KALRN: variants seen among roughly 807,000 people sequenced by gnomAD.
KALRN encodes the protein kalirin.
Under a neutral mutation model 353.7 loss-of-function variants are expected in KALRN, and 70 were observed. That is an observed-to-expected ratio of 0.20 (90% CI 0.16 to 0.24). The LOEUF (loss-of-function observed/expected upper bound fraction) is 0.24, where lower values mean the gene tolerates loss of function less well. Among genes scored for constraint, KALRN ranks in the 10% least tolerant of loss-of-function variants. KALRN has a pLI of 1.00. For missense variants in KALRN, 2,791 were observed against 3,756.7 expected (o/e 0.74, Z 6.72); for synonymous variants, 1,391 against 1,434.8 (o/e 0.97, Z 0.69).
rs114284605 is a variant in KALRN at position 124,634,057 on chromosome 3, G to A, written c.5568+104G>A. On this transcript the variant is annotated intron_variant, in intron 36 of 59. Coordinates refer to ENST00000682506, the MANE Select transcript of KALRN (RefSeq NM_001388419.1). The stretch of plus-strand genomic sequence containing the variant: ...CATACTCTTTCTCCCATGTTATCTC[G>A]TCGTCCACATGAATCCATGTTGATA... 2.5e-3 allele frequency: 2,075 copies of A among 832,110 alleles called. 20 individuals are homozygous for A. The highest frequency in any genetic ancestry group is 0.025 in the African/African-American group (1,453 of 58,628). The allele number at this position is 832,110 out of a possible 1,614,324, so 51.5% of individuals were successfully genotyped here.
intron 33 of KALRN, among the ~76,000 whole-genome samples, chr3:124,509,766 T>G (rs1489012344): frequency 9.2e-5 from 14 of 152,232 alleles, no homozygotes; most frequent in Admixed American, 9.2e-4. Flanking sequence ...CTTAGATGTC[T>G]GACAAACAGC....
chr3:124,145,343 C>A (rs1007966985), intron 1 of KALRN, among the ~76,000 whole-genome samples: 1 of 152,182 alleles, frequency 6.6e-6, no homozygotes, highest in Admixed American at 6.5e-5. Flanking sequence ...TTGGAATTGC[C>A]TATGGAACCT....
chr3:124,324,928 T>C (rs1199412665), intron 6 of KALRN, among the ~76,000 whole-genome samples: 1 of 152,230 alleles, frequency 6.6e-6, no homozygotes, highest in African/African-American at 2.4e-5. Context: ...CTTGCCTCCC[T>C]GGTCCTCCTT....
At chr3:124,272,835 T>C (rs560386782) in intron 5 of KALRN, among the ~76,000 whole-genome samples, 3 of 152,332 alleles carry the variant, frequency 2.0e-5, no homozygotes, top group African/African-American at 7.2e-5. Flanking sequence ...AGCCTTTGAC[T>C]TATTTGGTGG....
At chr3:124,550,973 A>T (rs185252220) in intron 33 of KALRN, among the ~76,000 whole-genome samples, 6 of 152,296 alleles carry the variant, frequency 3.9e-5, no homozygotes, top group Admixed American at 2.6e-4. Context: ...TGGGTGACAG[A>T]GCAAGACTCC....
chr3:124,680,301 T>C (rs2087645690), intron 51 of KALRN, among the ~76,000 whole-genome samples: 1 of 152,218 alleles, frequency 6.6e-6, no homozygotes, highest in African/African-American at 2.4e-5. Context: ...AGAACATCCA[T>C]TCCACTTCCA....
intron 1 of KALRN, among the ~76,000 whole-genome samples, chr3:124,064,952 G>A (rs145954247): frequency 1.3e-3 from 192 of 152,176 alleles, no homozygotes; most frequent in African/African-American, 4.5e-3. Flanking sequence ...CTTGCCCTCC[G>A]TTCCCCCTTC....
At chr3:124,398,955 G>A in intron 13 of KALRN, 84 bp downstream of exon 13, 1 of 1,411,884 alleles carries the variant, frequency 7.1e-7, no homozygotes, top group South Asian at 1.4e-5. Context: ...CAGGGCAGTA[G>A]CCTAAGGAAA....
intron 17 of KALRN, among the ~76,000 whole-genome samples, chr3:124,435,459 G>A (rs981260643): frequency 6.6e-6 from 1 of 152,184 alleles, no homozygotes; most frequent in East Asian, 1.9e-4. Context: ...AATGATTTGG[G>A]TGCTGTTAGG....
intron 28 of KALRN, among the ~76,000 whole-genome samples, chr3:124,484,247 G>A (rs530511986): frequency 1.3e-5 from 2 of 152,354 alleles, no homozygotes; most frequent in Non-Finnish European, 2.9e-5. Flanking sequence ...CACTATGAGA[G>A]GCGTGAGGGC....
At chr3:124,646,485 G>C (rs1023110560) in intron 37 of KALRN, among the ~76,000 whole-genome samples, 1 of 147,714 alleles carries the variant, frequency 6.8e-6, no homozygotes, top group Non-Finnish European at 1.5e-5. Context: ...CCACCTCCCA[G>C]GTCCAAGTGA....
At chr3:124,581,220 G>A (rs867382460) in intron 34 of KALRN, among the ~76,000 whole-genome samples, 7 of 152,150 alleles carry the variant, frequency 4.6e-5, no homozygotes, top group Middle Eastern at 3.4e-3. Context: ...TGGGTATGGT[G>A]GCTCACGCCT....
intron 1 of KALRN, among the ~76,000 whole-genome samples, chr3:124,042,531 G>A (rs1228576809): frequency 6.6e-6 from 1 of 152,006 alleles, no homozygotes; most frequent in Non-Finnish European, 1.5e-5. Context: ...AGGAGGGGAT[G>A]GATATGAGTT....
At chr3:124,109,567 T>G (rs2062641149) in intron 1 of KALRN, among the ~76,000 whole-genome samples, 2 of 151,864 alleles carry the variant, frequency 1.3e-5, no homozygotes, top group African/African-American at 4.8e-5. Context: ...TGTTTGATAA[T>G]TCCATTATCT....
chr3:124,134,668 C>A (rs2065715988), intron 1 of KALRN, among the ~76,000 whole-genome samples: 1 of 151,938 alleles, frequency 6.6e-6, no homozygotes. Flanking sequence ...CGGACTCAGA[C>A]AAATCAGTAA....
intron 16 of KALRN, among the ~76,000 whole-genome samples, chr3:124,433,778 G>A (rs183032154): frequency 9.9e-5 from 15 of 152,194 alleles, no homozygotes; most frequent in East Asian, 7.7e-4. Context: ...TTATTAACCT[G>A]CCAAATTTAT....
chr3:124,399,460 G>A (rs969957984), intron 13 of KALRN, among the ~76,000 whole-genome samples: 6 of 152,124 alleles, frequency 3.9e-5, no homozygotes, highest in Non-Finnish European at 8.8e-5. Flanking sequence ...ATTGCTATCC[G>A]TTAGACTCTT....
chr3:124,242,154 T>C (rs2080535797), intron 3 of KALRN, among the ~76,000 whole-genome samples: 1 of 151,918 alleles, frequency 6.6e-6, no homozygotes, highest in African/African-American at 2.4e-5. Flanking sequence ...GGCAACTGAG[T>C]GGAAGATGAA....
At chr3:124,123,523 A>G (rs2064283507) in intron 1 of KALRN, among the ~76,000 whole-genome samples, 1 of 152,232 alleles carries the variant, frequency 6.6e-6, no homozygotes, top group African/African-American at 2.4e-5. Context: ...GACTGAGGGA[A>G]AGAAGCAGTC....
Sources: allele counts gnomAD v4.1 joint callset (sites outside exome capture counted in the v4.1 genomes callset), GRCh38; gene constraint gnomAD v4.1.1; transcripts MANE v1.5; gene names NCBI Gene and HGNC (gene_info 2026-07-23, HGNC 2026-07-21).